Variants in VRTN observed in about 807,000 individuals in gnomAD.
VRTN encodes vertebrae development associated, also known as vertnin.
A neutral mutation model predicts 18.2 loss-of-function variants in VRTN; 5 were observed. The ratio of observed to expected loss-of-function variants is 0.27; its 90% CI spans 0.14 to 0.58. VRTN has a LOEUF of 0.58. VRTN is among the 20% of genes least tolerant of loss of function. The pLI is 0.91. For synonymous variants in VRTN, 381 were observed against 393.7 expected (o/e 0.97, Z 0.38); for missense variants, 741 against 939.4 (o/e 0.79, Z 2.76).
At chr14:74,341,347 C>T (rs2085604418) in intron 2 of VRTN, among the ~76,000 whole-genome samples, 1 of 152,172 alleles carries the variant, frequency 6.6e-6, no homozygotes, top group African/African-American at 2.4e-5. Flanking sequence ...CCCTATCATA[C>T]TCCAAAATTT....
intron 1 of VRTN, among the ~76,000 whole-genome samples, chr14:74,330,704 G>C (rs541595393): frequency 4.7e-4 from 72 of 151,942 alleles, no homozygotes; most frequent in Non-Finnish European, 7.1e-4. Context: ...GCCTCCCAAA[G>C]TGCTGGGATT....
At position 74,359,069 on chromosome 14, in the gene VRTN, C is replaced by A; in HGVS notation, c.*177C>A. ...CTCCAGGACAGAGAATGCCAGAAAT[C>A]AGCCATCTGGTCTCCCGTAGGAAAC... On this transcript the variant is annotated 3_prime_UTR_variant, in exon 2 of 2. Transcript: ENST00000256362. 1.6e-6 allele frequency: 2 copies of A among 1,249,046 alleles called. No individual in the cohort carries two copies. The highest frequency in any genetic ancestry group is 2.1e-6 in the Non-Finnish European group (2 of 953,720). The allele number at this position is 1,249,046 out of a possible 1,614,324, so 77.4% of individuals were successfully genotyped here.
At chr14:74,344,850 TAAG>T (rs2085633699), upstream of VRTN, among the ~76,000 whole-genome samples, 1 of 150,154 alleles carries the variant, frequency 6.7e-6, no homozygotes, top group Admixed American at 6.7e-5. Context: ...GCAAGGTGCA[TAAG>T]AGTGTATAGT....
rs1567047578 is a variant in VRTN, at chr14:74,358,894, AGG to A, written c.*4_*5del. 11 of 1,604,464 alleles carry A rather than the reference AGG, an allele frequency of 6.9e-6. No homozygotes were observed. Among genetic ancestry groups the A allele is most frequent in the Middle Eastern group, 1.7e-4 (1 of 6,022 alleles). ...GGCCTGACCCTGGTAGATGGCTGAC[AGG>A]GAGGTACAAAAGGGGCTGGGAAGAA... On this transcript the variant is annotated 3_prime_UTR_variant, in exon 2 of 2. Transcript: ENST00000256362. This position sits in a 1 kb window ranked among gnomAD's most constrained non-coding sequence, Gnocchi z 5.4.
In VRTN at chr14:74,358,489, G is replaced by T. The variant is rs758092663; in HGVS notation, c.1706G>T (p.Gly569Val). 25 of 1,614,040 alleles carry T rather than the reference G, an allele frequency of 1.5e-5. No homozygotes were observed. In the South Asian group the frequency reaches 2.3e-4, roughly 15 times the overall value. ...CCGGTCCCCACCTTGGGCAAAGGGG[G>T]GCAGGAGGCTGAGGAGAAGCAGGAG... ...QVPVPTLGKG[G>V]QEAEEKQEKE... The change falls in exon 2 of 2, where the codon GGG becomes GTG. Residue 569 changes from glycine (G) to valine (V), a missense_variant. Physicochemically the swap from Gly to Val is moderately radical, Grantham distance 109. Around this residue, in one of 3 missense-constraint regions of VRTN, gnomAD observed 494 missense variants for 546.5 expected, o/e 0.90. Transcript: ENST00000256362. The surrounding 1 kb of genome is among the most constrained non-coding windows in gnomAD (Gnocchi z 5.4).
At chr14:74,349,192 C>T (rs1038066478) in intron 1 of VRTN, among the ~76,000 whole-genome samples, 10 of 152,334 alleles carry the variant, frequency 6.6e-5, no homozygotes, top group Non-Finnish European at 1.5e-4. Flanking sequence ...GCAGCCACTA[C>T]CCTTGGTGGT....
intron 1 of VRTN, among the ~76,000 whole-genome samples, chr14:74,323,723 A>G (rs1340521068): frequency 1.3e-5 from 2 of 152,152 alleles, no homozygotes; most frequent in Non-Finnish European, 2.9e-5. Context: ...AATTCCATGC[A>G]ATACTCCCTA....
chr14:74,355,758 C>G (rs2085722558), intron 1 of VRTN, among the ~76,000 whole-genome samples: 1 of 151,700 alleles, frequency 6.6e-6, no homozygotes, highest in African/African-American at 2.4e-5. Context: ...CCAGGCTGGC[C>G]TCAAACTCCT....
chr14:74,354,323 T>TA (rs1158177251), intron 1 of VRTN, among the ~76,000 whole-genome samples: 1 of 152,150 alleles, frequency 6.6e-6, no homozygotes, highest in Non-Finnish European at 1.5e-5. Context: ...ACTTTACAAG[T>TA]AGTAGCTTCT....
upstream of VRTN, among the ~76,000 whole-genome samples, chr14:74,347,323 C>G (rs1685396401): frequency 6.6e-6 from 1 of 152,196 alleles, no homozygotes; most frequent in Non-Finnish European, 1.5e-5. Flanking sequence ...CACTGCCATT[C>G]CTGGTGGGTG....
intron 2 of VRTN, among the ~76,000 whole-genome samples, chr14:74,338,953 G>A (rs542310266): frequency 6.6e-6 from 1 of 152,252 alleles, no homozygotes; most frequent in East Asian, 1.9e-4. Flanking sequence ...TCGAACTCCT[G>A]ACTTCAGGTG....
intron 1 of VRTN, among the ~76,000 whole-genome samples, chr14:74,311,744 GA>G (rs77689318): frequency 0.17 from 25,889 of 150,536 alleles, 2,917 homozygotes; most frequent in East Asian, 0.49. Flanking sequence ...ATATATCTTG[GA>G]AGTTGTTCCA....
At chr14:74,306,818 C>A (rs893719432) in intron 1 of VRTN, among the ~76,000 whole-genome samples, 6 of 151,250 alleles carry the variant, frequency 4.0e-5, no homozygotes, top group Admixed American at 4.0e-4. Flanking sequence ...ATTGCCCAGG[C>A]TGGTCTAGAA....
At chr14:74,307,488 T>A (rs1427718676) in intron 1 of VRTN, among the ~76,000 whole-genome samples, 1 of 152,052 alleles carries the variant, frequency 6.6e-6, no homozygotes, top group Admixed American at 6.6e-5. Flanking sequence ...AAATGACAGT[T>A]TTTTATAGAT....
Position 74,322,936 on chromosome 14 carries a change from C to T in VRTN, c.-163-14787C>T, listed in dbSNP as rs150481172. On this transcript the variant is annotated intron_variant, in intron 1 of 2. Transcript: ENST00000557177. ...ATCACCTGAGGTCAGGAGTTTGAGA[C>T]CAGCCTGGCCAAAATGGTGAAACCC... 3.3e-5 allele frequency among the ~76,000 whole-genome samples: 5 copies of T among 152,112 alleles called. No homozygotes were observed. In the East Asian group the frequency reaches 9.7e-4, roughly 29 times the overall value.
At chr14:74,322,515 T>G (rs1352613892) in intron 1 of VRTN, among the ~76,000 whole-genome samples, 1 of 152,198 alleles carries the variant, frequency 6.6e-6, no homozygotes, top group Non-Finnish European at 1.5e-5. Flanking sequence ...TTATCGTTTG[T>G]TCTCCCCTTG....
intron 1 of VRTN, among the ~76,000 whole-genome samples, chr14:74,321,793 C>T (rs997729440): frequency 2.0e-5 from 3 of 151,566 alleles, no homozygotes; most frequent in African/African-American, 7.3e-5. Flanking sequence ...CGTGAGCCAC[C>T]GTGCCCAGCT....
intron 1 of VRTN, among the ~76,000 whole-genome samples, chr14:74,330,385 T>C (rs1292927944): frequency 6.6e-6 from 1 of 151,896 alleles, no homozygotes; most frequent in African/African-American, 2.4e-5. Flanking sequence ...CTTGAATTAC[T>C]ACTAGACTTA....
chr14:74,355,579 T>A (rs1436540113), intron 1 of VRTN, among the ~76,000 whole-genome samples: 6 of 152,164 alleles, frequency 3.9e-5, no homozygotes, highest in Admixed American at 3.9e-4. Context: ...CTGTCACCCA[T>A]GCTTGAGCAC....
Sources: gnomAD v4.1 joint callset for allele counts (sites outside exome capture counted in the v4.1 genomes callset) on GRCh38, gnomAD v4.1.1 for gene constraint, gnomAD v4.1.1 regional missense constraint, Gnocchi (gnomAD v3.1) non-coding constraint, MANE v1.5 for transcripts, NCBI Gene and HGNC (gene_info 2026-07-23, HGNC 2026-07-21) for gene names.